The following NALF1 variants were observed in gnomAD, a reference collection of about 807,000 sequenced individuals.
NALF1 encodes family with sequence similarity 155 member A.
Under a neutral mutation model 48.4 loss-of-function variants are expected in NALF1, and 3 were observed. That is an observed-to-expected ratio of 0.06 (90% CI 0.03 to 0.16). The LOEUF (loss-of-function observed/expected upper bound fraction) is 0.16, where lower values mean the gene tolerates loss of function less well. Ranked by LOEUF, NALF1 falls within the 10% of genes least tolerant of loss-of-function variation. The pLI is 1.00. For missense variants in NALF1, 526 were observed against 571.5 expected (o/e 0.92, Z 0.81); for synonymous variants, 262 against 245.7 (o/e 1.07, Z -0.62).
At chr13:107,219,130 C>G (rs562451578) in intron 1 of NALF1, among the ~76,000 whole-genome samples, 1 of 152,290 alleles carries the variant, frequency 6.6e-6, no homozygotes, top group South Asian at 2.1e-4. Flanking sequence ...GAAAGTCACT[C>G]CATAAGACTA....
At chr13:107,818,866 C>T (rs4772920) in intron 1 of NALF1, among the ~76,000 whole-genome samples, 14,740 of 80,226 alleles carry the variant, frequency 0.18, 1,136 homozygotes, top group East Asian at 0.53. Context: ...AGCGAGACTC[C>T]GTCTCAAAAA....
intron 1 of NALF1, among the ~76,000 whole-genome samples, chr13:107,647,215 T>C (rs1156302566): frequency 6.6e-6 from 1 of 152,010 alleles, no homozygotes; most frequent in East Asian, 1.9e-4. Context: ...TGGAATTAAA[T>C]GCAAAGGAAG....
intron 1 of NALF1, among the ~76,000 whole-genome samples, chr13:107,475,106 A>C (rs1885158446): frequency 1.3e-5 from 2 of 152,206 alleles, no homozygotes; most frequent in Admixed American, 1.3e-4. Flanking sequence ...CTCACATTTG[A>C]GAGAAGAGGC....
chr13:107,394,790 G>A (rs2138986002), intron 1 of NALF1, among the ~76,000 whole-genome samples: 1 of 152,270 alleles, frequency 6.6e-6, no homozygotes, highest in East Asian at 1.9e-4. Flanking sequence ...TATGGATCAT[G>A]TTGAGTGGAT....
intron 1 of NALF1, among the ~76,000 whole-genome samples, chr13:107,478,469 AG>A (rs1244614263): frequency 1.3e-4 from 20 of 152,304 alleles, no homozygotes; most frequent in African/African-American, 4.8e-4. Context: ...CAAGAAAAAA[AG>A]TCAGTGTTGA....
chr13:107,642,023 G>C (rs1880171197), intron 1 of NALF1, among the ~76,000 whole-genome samples: 2 of 152,116 alleles, frequency 1.3e-5, no homozygotes, highest in African/African-American at 4.8e-5. Context: ...CAAACCCAGT[G>C]CTGAGACCAG....
At chr13:107,660,436 AACACACACACACACACACACACACACAC>A (rs201215515) in intron 1 of NALF1, among the ~76,000 whole-genome samples, 11 of 93,632 alleles carry the variant, frequency 1.2e-4, no homozygotes, top group South Asian at 1.2e-3. Context: ...CTGTCTCAAA[AACACACACACACACACACACACACACAC>A]ACACACACAC....
intron 1 of NALF1, among the ~76,000 whole-genome samples, chr13:107,579,185 G>C (rs1276801669): frequency 6.6e-6 from 1 of 152,154 alleles, no homozygotes; most frequent in Non-Finnish European, 1.5e-5. Context: ...TCCACCTCTT[G>C]TGTTCAAGTG....
At chr13:107,461,558 T>C (rs1884918855) in intron 1 of NALF1, among the ~76,000 whole-genome samples, 1 of 152,158 alleles carries the variant, frequency 6.6e-6, no homozygotes, top group Non-Finnish European at 1.5e-5. Flanking sequence ...TGATGTAAAA[T>C]GAAAAATCAT....
At chr13:107,847,898 T>C (rs1880213461) in intron 1 of NALF1, among the ~76,000 whole-genome samples, 1 of 152,130 alleles carries the variant, frequency 6.6e-6, no homozygotes, top group African/African-American at 2.4e-5. Flanking sequence ...AGATAACTAA[T>C]GAAATTCTCT....
At chr13:107,599,420 T>C (rs1878857605) in intron 1 of NALF1, among the ~76,000 whole-genome samples, 2 of 78,290 alleles carry the variant, frequency 2.6e-5, no homozygotes, top group African/African-American at 1.3e-4. Context: ...AGACTCCGTC[T>C]CAAAAAAAAA....
At chr13:107,641,060 A>C (rs1049203718) in intron 1 of NALF1, among the ~76,000 whole-genome samples, 2 of 152,222 alleles carry the variant, frequency 1.3e-5, no homozygotes, top group Non-Finnish European at 2.9e-5. Context: ...ACACACAATG[A>C]AATATCTACT....
At chr13:107,771,604 G>C (rs1269923243) in intron 1 of NALF1, among the ~76,000 whole-genome samples, 1 of 151,862 alleles carries the variant, frequency 6.6e-6, no homozygotes, top group Non-Finnish European at 1.5e-5. Context: ...ATGAGGCTAG[G>C]AGTTGCTGGG....
intron 1 of NALF1, among the ~76,000 whole-genome samples, chr13:107,231,113 C>G (rs1294682380): frequency 6.8e-6 from 1 of 147,002 alleles, no homozygotes; most frequent in East Asian, 2.0e-4. Flanking sequence ...GCAGCTATAG[C>G]TGTGGTTCTA....
chr13:107,565,390 A>AG (rs1877779294), intron 1 of NALF1, among the ~76,000 whole-genome samples: 2 of 151,204 alleles, frequency 1.3e-5, no homozygotes, highest in Admixed American at 1.3e-4. Flanking sequence ...ATCTCAAAAA[A>AG]AAAAAAAAAA....
At chr13:107,575,998 A>ATATG (rs1878135460) in intron 1 of NALF1, among the ~76,000 whole-genome samples, 1 of 150,910 alleles carries the variant, frequency 6.6e-6, no homozygotes, top group Non-Finnish European at 1.5e-5. Flanking sequence ...GTGCATGTAT[A>ATATG]TGTGTGTGTG....
chr13:107,757,900 T>C (rs1449819697), intron 1 of NALF1, among the ~76,000 whole-genome samples: 1 of 152,244 alleles, frequency 6.6e-6, no homozygotes, highest in African/African-American at 2.4e-5. Context: ...TTGATGGTTA[T>C]TGATAAAAAA....
At position 107,790,044 on chromosome 13, in the gene NALF1, ACTG is replaced by A. The variant is rs527477132; in HGVS notation, c.915+75635_915+75637del. 6.3e-4 allele frequency among the ~76,000 whole-genome samples: 96 copies of A among 152,348 alleles called. 1 individual carries two copies. The highest frequency in any genetic ancestry group is 2.2e-3 in the African/African-American group (93 of 41,584). ...TTTACAGTGCTGCCTCCATAAAATT[ACTG>A]CTATCTTACAATGCAAAACCATCAA... On this transcript the variant is annotated intron_variant, in intron 1 of 2. Coordinates refer to ENST00000375915, the MANE Select transcript of NALF1 (RefSeq NM_001080396.3).
chr13:107,815,892 T>C (rs1879148511), intron 1 of NALF1, among the ~76,000 whole-genome samples: 1 of 152,150 alleles, frequency 6.6e-6, no homozygotes, highest in African/African-American at 2.4e-5. Context: ...CCACACATAC[T>C]GTATCATCCA....
Sources: gnomAD v4.1 joint callset for allele counts (sites outside exome capture counted in the v4.1 genomes callset) on GRCh38, gnomAD v4.1.1 for gene constraint, MANE v1.5 for transcripts, NCBI Gene and HGNC (gene_info 2026-07-23, HGNC 2026-07-21) for gene names.